KDM6A: variants seen among roughly 807,000 people sequenced by gnomAD.
The protein encoded by KDM6A is lysine demethylase 6A.
In KDM6A, 11 loss-of-function variants were observed where a neutral mutation model predicts 117.6. That is an observed-to-expected ratio of 0.09 (90% confidence interval 0.06 to 0.15). The LOEUF is 0.15. Among genes scored for constraint, KDM6A ranks in the 10% least tolerant of loss-of-function variants. The pLI is 1.00. For synonymous variants in KDM6A, 384 were observed against 396.1 expected, an observed-to-expected ratio of 0.97 and a Z score of 0.36; for missense variants, 799 against 1,077.3, an observed-to-expected ratio of 0.74 and a Z score of 3.62.
intron 4 of KDM6A, among the ~76,000 whole-genome samples, chrX:44,978,217 G>A (rs7055939): frequency 0.11 from 12,621 of 111,817 alleles, 828 homozygotes; most frequent in African/African-American, 0.25. Context: ...ATCCGTTTGG[G>A]TTTTATTCTT....
chrX:44,992,556 CT>C (rs1322557806), intron 4 of KDM6A, among the ~76,000 whole-genome samples: 19 of 98,061 alleles, frequency 1.9e-4, no homozygotes, highest in South Asian at 4.6e-4. Flanking sequence ...CAAAGATGCA[CT>C]TTTTTTTTTT....
intron 25 of KDM6A, among the ~76,000 whole-genome samples, chrX:45,089,525 CAAAAAAAA>C (rs766771357): frequency 3.9e-5 from 2 of 51,085 alleles, no homozygotes; most frequent in Non-Finnish European, 7.6e-5. Context: ...GACTTTGTCT[CAAAAAAAA>C]AAAAAAAAAG....
intron 8 of KDM6A, among the ~76,000 whole-genome samples, chrX:45,041,412 G>A (rs1478222175): frequency 2.9e-5 from 3 of 101,987 alleles, no homozygotes; most frequent in Non-Finnish European, 6.0e-5. Flanking sequence ...GGACGGGGCA[G>A]CTGGCCGGGC....
intron 2 of KDM6A, among the ~76,000 whole-genome samples, chrX:44,910,744 A>G (rs925243807): frequency 9.1e-6 from 1 of 110,447 alleles, no homozygotes; most frequent in Non-Finnish European, 1.9e-5. Flanking sequence ...AACAAAGCAC[A>G]TCTTGCACCG....
intron 8 of KDM6A, 50 bp from the exon 9 acceptor site, chrX:45,051,659 C>A (rs1028172005): frequency 1.4e-6 from 1 of 700,961 alleles, no homozygotes; most frequent in Non-Finnish European, 2.2e-6. Context: ...TGAAGTAGTT[C>A]CTTAAAGATT....
intron 2 of KDM6A, among the ~76,000 whole-genome samples, chrX:44,893,141 C>G (rs1259174914): frequency 9.1e-6 from 1 of 110,336 alleles, no homozygotes; most frequent in Non-Finnish European, 1.9e-5. Flanking sequence ...CACCACTACA[C>G]TCCTTCAGCC....
At chrX:44,910,310 C>T (rs1602148369) in intron 2 of KDM6A, among the ~76,000 whole-genome samples, 2 of 111,537 alleles carry the variant, frequency 1.8e-5, no homozygotes, top group Admixed American at 1.9e-4. Context: ...CCTCAGCCTC[C>T]GAGTAGCTGG....
chrX:44,894,620 A>T (rs1025239432), intron 2 of KDM6A, among the ~76,000 whole-genome samples: 1 of 92,019 alleles, frequency 1.1e-5, no homozygotes, highest in Non-Finnish European at 2.1e-5. Flanking sequence ...TTAATTAATT[A>T]ATTTTTTTTT....
chrX:45,080,848 T>C (rs1255360114), intron 21 of KDM6A, among the ~76,000 whole-genome samples: 1 of 111,546 alleles, frequency 9.0e-6, no homozygotes. Context: ...CAAAGAAAAA[T>C]TTGGAGGAAG....
chrX:45,009,799 G>C (rs1030246920), intron 4 of KDM6A, among the ~76,000 whole-genome samples: 10 of 111,507 alleles, frequency 9.0e-5, no homozygotes, highest in Non-Finnish European at 1.5e-4. Flanking sequence ...CAGTTGCCTA[G>C]AGTCATAATC....
chrX:45,058,473 ATACT>A (rs2044171161), intron 10 of KDM6A, among the ~76,000 whole-genome samples: 1 of 110,913 alleles, frequency 9.0e-6, no homozygotes, highest in South Asian at 3.7e-4. Flanking sequence ...ACTATTTTTG[ATACT>A]TAGTTTGAGA....
chrX:45,003,827 G>A (rs1467088826), intron 4 of KDM6A, among the ~76,000 whole-genome samples: 1 of 102,391 alleles, frequency 9.8e-6, no homozygotes, highest in Non-Finnish European at 2.0e-5. Flanking sequence ...CTCTCTCTCT[G>A]CCTTTTTTTC....
At chrX:44,936,637 G>A (rs776015575) in intron 2 of KDM6A, among the ~76,000 whole-genome samples, 5 of 111,962 alleles carry the variant, frequency 4.5e-5, no homozygotes, top group African/African-American at 1.6e-4. Flanking sequence ...GAAGTGTTTC[G>A]GATTTTGGAG....
intron 4 of KDM6A, among the ~76,000 whole-genome samples, chrX:44,985,312 A>G (rs1452929618): frequency 8.9e-6 from 1 of 111,817 alleles, no homozygotes; most frequent in Non-Finnish European, 1.9e-5. Context: ...TTTTGGGCTG[A>G]AACGATGGGG....
At chrX:44,932,084 CTTTTTTTTT>C (rs796121677) in intron 2 of KDM6A, among the ~76,000 whole-genome samples, 4 of 17,089 alleles carry the variant, frequency 2.3e-4, no homozygotes, top group East Asian at 3.0e-3. Context: ...TCTAGGTAGC[CTTTTTTTTT>C]TTTTTTTTTT....
At chrX:44,902,436 C>A (rs1232225944) in intron 2 of KDM6A, among the ~76,000 whole-genome samples, 9 of 106,751 alleles carry the variant, frequency 8.4e-5, no homozygotes, top group African/African-American at 3.1e-4. Context: ...GTCGCCCAGG[C>A]TGGAGTGCAG....
intron 2 of KDM6A, among the ~76,000 whole-genome samples, chrX:44,929,627 C>T (rs1054779644): frequency 2.7e-5 from 3 of 111,566 alleles, no homozygotes; most frequent in Admixed American, 9.5e-5. Context: ...TGTATGGACA[C>T]GTATTTGTTT....
At chrX:44,937,976 G>A (rs1342124903) in intron 2 of KDM6A, among the ~76,000 whole-genome samples, 1 of 111,229 alleles carries the variant, frequency 9.0e-6, no homozygotes, top group Admixed American at 9.6e-5. Context: ...TGAATGCAGA[G>A]GAAACTTTGT....
intron 2 of KDM6A, among the ~76,000 whole-genome samples, chrX:44,931,763 A>G (rs2036640316): frequency 8.9e-6 from 1 of 111,979 alleles, no homozygotes; most frequent in Non-Finnish European, 1.9e-5. Flanking sequence ...TTCAAGTTAA[A>G]GTTCTAGAGA....
Sources: allele counts gnomAD v4.1 joint callset (sites outside exome capture counted in the v4.1 genomes callset), GRCh38; gene constraint gnomAD v4.1.1; transcripts MANE v1.5; gene names NCBI Gene and HGNC (gene_info 2026-07-23, HGNC 2026-07-21).